The following DDX27 variants were observed in gnomAD, a reference collection of about 807,000 sequenced individuals.
The protein encoded by DDX27 is DEAD-box helicase 27, also known as probable ATP-dependent RNA helicase DDX27.
In DDX27, 42 loss-of-function variants were observed where a neutral mutation model predicts 99.3. The observed-to-expected ratio is 0.42, with a 90% CI of 0.33 to 0.55. DDX27 has a LOEUF of 0.55. Ranked by LOEUF, DDX27 falls within the 20% of genes least tolerant of loss-of-function variation. The pLI is 0.07. For synonymous variants in DDX27, 329 were observed against 353.8 expected, an observed-to-expected ratio of 0.93 and a Z score of 0.79; for missense variants, 798 against 976.8, an observed-to-expected ratio of 0.82 and a Z score of 2.44.
In DDX27 at chr20:49,236,145, TC is replaced by T; in HGVS notation, c.1428-4del. ...GGATGAACAGCTGTTTGTGACTGTTTCTAGGCGTTTTAAGGATGAACAGATT... is the reference window on the plus strand; with the variant it reads ...GGATGAACAGCTGTTTGTGACTGTTTTAGGCGTTTTAAGGATGAACAGATT... On this transcript the variant is annotated splice_polypyrimidine_tract_variant and splice_region_variant and intron_variant, in intron 12 of 20. Coordinates refer to ENST00000618172, the MANE Select transcript of DDX27 (RefSeq NM_017895.8). The surrounding 1 kb of genome is among the most constrained non-coding windows in gnomAD (Gnocchi z 4.1). 6.2e-7 allele frequency: 1 copy of T among 1,608,186 alleles called. No individual in the cohort carries two copies. The highest frequency in any genetic ancestry group is 8.5e-7 in the Non-Finnish European group (1 of 1,177,348).
chr20:49,239,415 A>G (rs976407163), intron 16 of DDX27, 77 bp downstream of exon 16: 19 of 1,097,156 alleles, frequency 1.7e-5, no homozygotes, highest in Admixed American at 5.0e-5. Flanking sequence ...TCCTAGTTCT[A>G]TACTGTAAAG....
chr20:49,235,061 C>G lies in DDX27; in HGVS notation c.1400C>G (p.Ser467Ter). The change falls in exon 12 of 21, where the codon TCA becomes TGA. Residue 467 changes from serine to a stop codon, truncating the protein, a stop_gained. Transcript: ENST00000618172. LOFTEE classifies it high-confidence loss of function. Reference protein sequence around the residue: ...LQVGELHGNLSQTQRLEALRR... With the variant: ...LQVGELHGNL Reference sequence around the variant, plus strand: ...GTGGGTGAGCTCCATGGCAACTTGTCACAGACGCAGCGGCTGGAGGCCCTC... The same window carrying G: ...GTGGGTGAGCTCCATGGCAACTTGTGACAGACGCAGCGGCTGGAGGCCCTC... 1 of 1,611,016 alleles carries G rather than the reference C, an allele frequency of 6.2e-7. No homozygotes were observed. Among genetic ancestry groups the G allele is most frequent in the Non-Finnish European group, 8.5e-7 (1 of 1,178,390 alleles).
rs1979828231 is a variant in DDX27 at position 49,225,006 on chromosome 20, G to A, written c.513+15G>A. On this transcript the variant is annotated intron_variant, in intron 5 of 20. Transcript: ENST00000618172. ...AGAAAGGACAGGTGAGCTTGGGGCT[G>A]CAAGACAGTATGCAGCTTGTTGGCA... The A allele has an allele frequency of 2.5e-6, 4 of 1,614,170 alleles. No individual in the cohort carries two copies. The highest frequency in any genetic ancestry group is 2.5e-6 in the Non-Finnish European group (3 of 1,180,012).
At chr20:49,222,637 C>T (rs1979730992) in intron 2 of DDX27, among the ~76,000 whole-genome samples, 1 of 152,096 alleles carries the variant, frequency 6.6e-6, no homozygotes, top group African/African-American at 2.4e-5. Flanking sequence ...GCCTCAGCCT[C>T]CCGAGTAGCT....
At position 49,233,361 on chromosome 20, in the gene DDX27, C is replaced by T. The variant is rs1477372804; in HGVS notation, c.1087C>T (p.His363Tyr). ...QMKEIIRMCS[H>Y]HRQTMLFSAT... ...GAAGGAGATCATCCGAATGTGTTCC[C>T]ACCACCGCCAGACCATGCTCTTCTC... The change falls in exon 10 of 21, where the codon CAC becomes TAC. Residue 363 changes from histidine to tyrosine, a missense_variant. Physicochemically the swap from His to Tyr is moderately conservative, Grantham distance 83 (BLOSUM62 2). Coordinates refer to ENST00000618172, the MANE Select transcript of DDX27 (RefSeq NM_017895.8). The T allele has an allele frequency of 6.2e-7, 1 of 1,613,910 alleles. No homozygotes were observed. The highest frequency in any genetic ancestry group is 1.3e-5 in the African/African-American group (1 of 74,888).
Position 49,223,345 on chromosome 20 carries a change from C to A in DDX27, c.378C>A (p.Asp126Glu). The A allele has an allele frequency of 6.2e-7, 1 of 1,614,006 alleles. No homozygotes were observed. Among genetic ancestry groups the A allele is most frequent in the Non-Finnish European group, 8.5e-7 (1 of 1,179,980 alleles). The change falls in exon 4 of 21, where the codon GAC (aspartate) becomes GAA (glutamate). Residue 126 changes from aspartate to glutamate, a missense_variant. By Grantham distance (45) the Asp-to-Glu change is conservative. This residue lies in a region of DDX27 where 245 missense variants were observed against 248.8 expected (regional missense o/e 0.98). Coordinates refer to ENST00000618172, the MANE Select transcript of DDX27 (RefSeq NM_017895.8). ...GCTCTGAACCAAAGGAGCAGGAAGACCTTCAAGAGAATGATGAGGAAGGCT... is the reference window on the plus strand; with the variant it reads ...GCTCTGAACCAAAGGAGCAGGAAGAACTTCAAGAGAATGATGAGGAAGGCT... ...KEGSEPKEQE[D>E]LQENDEEGSE...
intron 16 of DDX27, among the ~76,000 whole-genome samples, chr20:49,239,801 A>G (rs1018419203): frequency 1.3e-5 from 2 of 152,220 alleles, no homozygotes; most frequent in African/African-American, 2.4e-5. Flanking sequence ...TAATAGCAAA[A>G]AGGTGGAAAC....
chr20:49,222,911 T>A, intron 2 of DDX27, 46 bp from the exon 3 acceptor site: 3 of 1,505,668 alleles, frequency 2.0e-6, no homozygotes, highest in Admixed American at 2.1e-5. Context: ...TCTTATTCGA[T>A]GTTTCAATGA....
rs200199754 is a variant in DDX27 at position 49,220,970 on chromosome 20, A to AT, written c.94-473dup. Among the ~76,000 whole-genome samples the AT allele has an allele frequency of 2.8e-3, 419 of 150,752 alleles. 1 individual carries two copies. Among genetic ancestry groups the AT allele is most frequent in the African/African-American group, 7.3e-3 (299 of 41,094 alleles). ...CCAACACTCCAGTCTCATTCACTTCATTTTTTTTTAAGACAGAGTCTTGCT... is the reference window on the plus strand; with the variant it reads ...CCAACACTCCAGTCTCATTCACTTCATTTTTTTTTTAAGACAGAGTCTTGCT... On this transcript the variant is annotated intron_variant, in intron 1 of 20. Transcript: ENST00000618172.
intron 3 of DDX27, 118 bp downstream of exon 3, chr20:49,223,134 T>G: frequency 7.4e-7 from 1 of 1,352,244 alleles, no homozygotes; most frequent in Non-Finnish European, 1.0e-6. Flanking sequence ...GGCGCACTCT[T>G]CTGTGTGTTT....
At chr20:49,227,916 C>G (rs1195553513) in intron 7 of DDX27, among the ~76,000 whole-genome samples, 2 of 150,546 alleles carry the variant, frequency 1.3e-5, no homozygotes, top group African/African-American at 4.9e-5. Context: ...TCTTGGCTCA[C>G]TGCAACCTCC....
In DDX27 at chr20:49,239,055, G is replaced by T; in HGVS notation, c.1794G>T (p.Gln598His). ...AAGAGATGCAGCAGTCAGAAGCCCA[G>T]GTGAGGCTGCGAGGCGGGATCTTGT... ...EEKEMQQSEA[Q>H]INTAKRLLEK... The change falls in exon 15 of 21, where the codon CAG becomes CAT. Residue 598 changes from glutamine to histidine, a missense_variant and splice_region_variant. Around this residue, in one of 2 missense-constraint regions of DDX27, gnomAD observed 553 missense variants for 727.9 expected, o/e 0.76. Transcript: ENST00000618172. 2 of 1,612,650 alleles carry T rather than the reference G, an allele frequency of 1.2e-6. No homozygotes were observed. Among genetic ancestry groups the T allele is most frequent in the Non-Finnish European group, 1.7e-6 (2 of 1,178,670 alleles).
In DDX27 at chr20:49,243,614, C is replaced by T; in HGVS notation, c.2205-15C>T. 6.2e-7 allele frequency: 1 copy of T among 1,613,700 alleles called. No individual in the cohort carries two copies. Among genetic ancestry groups the T allele is most frequent in the Admixed American group, 1.7e-5 (1 of 60,016 alleles). On this transcript the variant is annotated splice_polypyrimidine_tract_variant and intron_variant, in intron 19 of 20. Transcript: ENST00000618172. ...CAACAGTTTGCTCATTTCAGCATGT[C>T]ATCTTCTCTCACAGCCCTTCCTTTG...
At chr20:49,228,649 G>T in intron 7 of DDX27, 66 bp from the exon 8 acceptor site, 3 of 1,422,244 alleles carry the variant, frequency 2.1e-6, no homozygotes, top group Non-Finnish European at 9.4e-7. Context: ...CTGTGCTCTG[G>T]TGAAAACCTA....
chr20:49,242,584 C>G lies in DDX27; in HGVS notation c.2117-10C>G, dbSNP rs1271518935. The G allele has an allele frequency of 6.2e-7, 1 of 1,613,262 alleles. No homozygotes were observed. The highest frequency in any genetic ancestry group is 1.3e-5 in the African/African-American group (1 of 74,820). Reference sequence around the variant, plus strand: ...GACAACCATATGTAACCCATTCTCTCTGTGCACAGCCAAGAAGCAAAAGCA... The same window carrying G: ...GACAACCATATGTAACCCATTCTCTGTGTGCACAGCCAAGAAGCAAAAGCA... On this transcript the variant is annotated splice_polypyrimidine_tract_variant and intron_variant, in intron 18 of 20. Coordinates refer to ENST00000618172, the MANE Select transcript of DDX27 (RefSeq NM_017895.8).
At chr20:49,225,458 T>TC (rs1242192708) in intron 6 of DDX27, among the ~76,000 whole-genome samples, 1 of 145,566 alleles carries the variant, frequency 6.9e-6, no homozygotes, top group African/African-American at 2.5e-5. Context: ...ACTCCCTTTT[T>TC]TTTTTTTTTT....
At chr20:49,227,138 A>C (rs2146709918) in intron 7 of DDX27, among the ~76,000 whole-genome samples, 1 of 152,258 alleles carries the variant, frequency 6.6e-6, no homozygotes, top group African/African-American at 2.4e-5. Context: ...CTGGGATTAC[A>C]GGCGTGAGCC....
Position 49,223,386 on chromosome 20 carries a change from C to A in DDX27, c.419C>A (p.Ser140Ter). ...NDEEGSEDEA[S>*]ETDYSSADEN... ...GAGGAAGGCTCAGAAGATGAAGCCT[C>A]GGAGACTGACTACTCATCAGCTGAT... The change falls in exon 4 of 21, where the codon TCG becomes TAG. Residue 140 changes from serine to a stop codon, truncating the protein, a stop_gained. Coordinates refer to ENST00000618172, the MANE Select transcript of DDX27 (RefSeq NM_017895.8). LOFTEE classifies it high-confidence loss of function. 6.2e-7 allele frequency: 1 copy of A among 1,613,626 alleles called. No individual in the cohort carries two copies. Among genetic ancestry groups the A allele is most frequent in the Non-Finnish European group, 8.5e-7 (1 of 1,179,886 alleles).
At chr20:49,240,838 A>G (rs1157329510) in intron 16 of DDX27, among the ~76,000 whole-genome samples, 1 of 151,976 alleles carries the variant, frequency 6.6e-6, no homozygotes, top group African/African-American at 2.4e-5. Flanking sequence ...AGCATGGCAA[A>G]ACCCCATCTC....
Sources: gnomAD v4.1 joint callset for allele counts (sites outside exome capture counted in the v4.1 genomes callset) on GRCh38, gnomAD v4.1.1 for gene constraint, gnomAD v4.1.1 regional missense constraint, Gnocchi (gnomAD v3.1) non-coding constraint, MANE v1.5 for transcripts, NCBI Gene and HGNC (gene_info 2026-07-23, HGNC 2026-07-21) for gene names.